The following SGIP1 variants were observed in gnomAD, a reference collection of about 807,000 sequenced individuals.
SGIP1 encodes the protein SH3GL interacting endocytic adaptor 1.
A neutral mutation model predicts 107.5 loss-of-function variants in SGIP1; 38 were observed. The ratio of observed to expected loss-of-function variants is 0.35; its 90% CI spans 0.27 to 0.46. The LOEUF (loss-of-function observed/expected upper bound fraction) is 0.46, where lower values mean the gene tolerates loss of function less well. Ranked by LOEUF, SGIP1 falls within the 20% of genes least tolerant of loss-of-function variation. SGIP1 has a pLI of 1.00. For synonymous variants in SGIP1, 365 were observed against 366.1 expected (o/e 1.00, Z 0.03); for missense variants, 929 against 1,019.5 (o/e 0.91, Z 1.21).
chr1:66,661,419 A>G (rs549823669), intron 8 of SGIP1, among the ~76,000 whole-genome samples: 3 of 152,350 alleles, frequency 2.0e-5, no homozygotes, highest in African/African-American at 4.8e-5. Context: ...TGCACCACAT[A>G]CAGGATACTG....
intron 18 of SGIP1, among the ~76,000 whole-genome samples, chr1:66,709,605 T>G (rs566156534): frequency 6.6e-6 from 1 of 152,274 alleles, no homozygotes; most frequent in Non-Finnish European, 1.5e-5. Flanking sequence ...ATAATATTGT[T>G]CCTCCCCTTT....
chr1:66,568,602 G>A (rs2059969050), intron 1 of SGIP1, among the ~76,000 whole-genome samples: 1 of 151,962 alleles, frequency 6.6e-6, no homozygotes, highest in Non-Finnish European at 1.5e-5. Context: ...TCCAGCTTTT[G>A]CCTACTTAGT....
chr1:66,672,669 G>C (rs1048454282), intron 11 of SGIP1, among the ~76,000 whole-genome samples: 1 of 152,154 alleles, frequency 6.6e-6, no homozygotes, highest in African/African-American at 2.4e-5. Flanking sequence ...TTAATAATCA[G>C]TCTGGAGTAA....
intron 1 of SGIP1, among the ~76,000 whole-genome samples, chr1:66,601,138 C>T (rs1364072572): frequency 6.6e-6 from 1 of 152,126 alleles, no homozygotes; most frequent in South Asian, 2.1e-4. Flanking sequence ...CCGAGGCGGG[C>T]GGATCAAGAG....
intron 1 of SGIP1, among the ~76,000 whole-genome samples, chr1:66,567,170 T>C (rs1164690624): frequency 6.6e-6 from 1 of 152,066 alleles, no homozygotes; most frequent in African/African-American, 2.4e-5. Flanking sequence ...CCAGCATCTA[T>C]TGTTTCTTGA....
chr1:66,620,660 T>A (rs2070810554), intron 1 of SGIP1, among the ~76,000 whole-genome samples: 1 of 152,150 alleles, frequency 6.6e-6, no homozygotes. Flanking sequence ...TCACCTCCCA[T>A]CAGGTCCCTC....
chr1:66,555,853 T>C (rs994511192), intron 1 of SGIP1, among the ~76,000 whole-genome samples: 1 of 152,110 alleles, frequency 6.6e-6, no homozygotes, highest in South Asian at 2.1e-4. Context: ...TACAACAGTA[T>C]GAGGTAAGTG....
Position 66,630,105 on chromosome 1 carries a change from T to C in SGIP1, c.75-2965T>C, listed in dbSNP as rs567468311. On this transcript the variant is annotated intron_variant, in intron 2 of 24. Coordinates refer to ENST00000371037, the MANE Select transcript of SGIP1 (RefSeq NM_032291.4). ...ATGCTGACTGACTCCACAGGACACA[T>C]GAGCCACATTTCCATCAGTCGAGAA... Among the ~76,000 whole-genome samples, 58 of 152,266 alleles carry C rather than the reference T, an allele frequency of 3.8e-4. No homozygotes were observed. In the South Asian group the frequency reaches 0.012, roughly 31 times the overall value.
At chr1:66,583,514 AT>A (rs2062111543) in intron 1 of SGIP1, among the ~76,000 whole-genome samples, 1 of 152,022 alleles carries the variant, frequency 6.6e-6, no homozygotes, top group South Asian at 2.1e-4. Context: ...CCTCATTTTT[AT>A]TTTCATAAAA....
intron 1 of SGIP1, among the ~76,000 whole-genome samples, chr1:66,623,117 C>T (rs1308758384): frequency 6.6e-6 from 1 of 152,178 alleles, no homozygotes; most frequent in Non-Finnish European, 1.5e-5. Flanking sequence ...TTGTTTTCTC[C>T]TTGGATCTTC....
intron 17 of SGIP1, 30 bp from the exon 18 acceptor site, chr1:66,695,404 C>T: frequency 6.2e-7 from 1 of 1,614,138 alleles, no homozygotes; most frequent in Non-Finnish European, 8.5e-7. Flanking sequence ...CTTAACCCTT[C>T]CCATCCCGCT....
chr1:66,727,294 A>C (rs1212637568), intron 19 of SGIP1, among the ~76,000 whole-genome samples: 2 of 152,230 alleles, frequency 1.3e-5, no homozygotes, highest in African/African-American at 4.8e-5. Flanking sequence ...ACAAGCACAT[A>C]AAAGATGCTG....
chr1:66,715,624 A>G (rs955414328), intron 18 of SGIP1, among the ~76,000 whole-genome samples: 1 of 152,160 alleles, frequency 6.6e-6, no homozygotes, highest in Non-Finnish European at 1.5e-5. Context: ...ACACAAGCAA[A>G]CAAAAAGCAC....
intron 19 of SGIP1, among the ~76,000 whole-genome samples, chr1:66,722,652 G>A (rs524114): frequency 0.38 from 58,195 of 152,100 alleles, 11,882 homozygotes; most frequent in Non-Finnish European, 0.44. Context: ...AATACCAAGT[G>A]CACCAGAGAA....
chr1:66,676,280 C>T (rs1032489563), intron 12 of SGIP1, among the ~76,000 whole-genome samples: 2 of 152,204 alleles, frequency 1.3e-5, no homozygotes, highest in African/African-American at 4.8e-5. Flanking sequence ...TAATGAATTA[C>T]AGCAGTACTT....
intron 1 of SGIP1, among the ~76,000 whole-genome samples, chr1:66,551,419 G>T (rs1194303162): frequency 6.6e-6 from 1 of 151,996 alleles, no homozygotes; most frequent in Non-Finnish European, 1.5e-5. Flanking sequence ...CATTTCAAAG[G>T]CAATTCAATC....
intron 8 of SGIP1, among the ~76,000 whole-genome samples, chr1:66,664,249 T>C (rs2082089425): frequency 1.3e-5 from 2 of 152,186 alleles, no homozygotes; most frequent in African/African-American, 2.4e-5. Flanking sequence ...ATGTGGCCTT[T>C]TTTTTCTAAT....
chr1:66,642,534 C>A (rs1391756074), intron 5 of SGIP1, among the ~76,000 whole-genome samples: 1 of 152,136 alleles, frequency 6.6e-6, no homozygotes, highest in Non-Finnish European at 1.5e-5. Flanking sequence ...TTAGCACAGT[C>A]CTTGGCTTAC....
rs2094601261 is a variant in SGIP1, at chr1:66,749,931, G to C, written c.*6836G>C. 6.6e-6 allele frequency among the ~76,000 whole-genome samples: 1 copy of C among 151,872 alleles called. No individual in the cohort carries two copies. The highest frequency in any genetic ancestry group is 2.4e-5 in the African/African-American group (1 of 41,376). On this transcript the variant is annotated 3_prime_UTR_variant, in exon 25 of 25. Transcript: ENST00000371037. ...ATAGCTGTGTTGATTTTTCAGGTCA[G>C]AATTTAGTTCTTGCTTTGTTAAATG...
Sources: allele counts gnomAD v4.1 joint callset (sites outside exome capture counted in the v4.1 genomes callset), GRCh38; gene constraint gnomAD v4.1.1; transcripts MANE v1.5; gene names NCBI Gene and HGNC (gene_info 2026-07-23, HGNC 2026-07-21).